NBEA: variants seen among roughly 807,000 people sequenced by gnomAD.
NBEA encodes lysosomal-trafficking regulator 2.
Under a neutral mutation model 343.4 loss-of-function variants are expected in NBEA, and 44 were observed. The observed-to-expected ratio is 0.13, with a 90% CI of 0.10 to 0.16. The LOEUF is 0.16. Among genes scored for constraint, NBEA ranks in the 10% least tolerant of loss-of-function variants. The pLI, the probability that NBEA is intolerant of heterozygous loss-of-function variation, is 1.00. For missense variants in NBEA, 2,555 were observed against 3,631.3 expected, an observed-to-expected ratio of 0.70 and a Z score of 7.62; for synonymous variants, 1,175 against 1,238.7, an observed-to-expected ratio of 0.95 and a Z score of 1.08.
rs982420694 is a variant in NBEA, at chr13:35,671,403, A to G, written c.*412A>G. The G allele has an allele frequency of 6.4e-6, 1 of 156,644 alleles. No individual in the cohort carries two copies. The highest frequency in any genetic ancestry group is 1.4e-5 in the Non-Finnish European group (1 of 70,818). 9.7% of individuals were successfully genotyped at this position (156,644 alleles called of 1,614,324 possible). ...TTTCAAGCTGAGAAAAAAAAAAAAA[A>G]ACACGTTTGATACTTTGTACATCAG... On this transcript the variant is annotated 3_prime_UTR_variant, in exon 59 of 59. Transcript: ENST00000379939.
chr13:35,175,252 A>C lies in NBEA; in HGVS notation c.4554+1658A>C, dbSNP rs576298195. ...CTCCGTTTTCTAATCTTTAAAATGG[A>C]TACAAATCTTAATTTACAGAGTGTT... On this transcript the variant is annotated intron_variant, in intron 27 of 58. Transcript: ENST00000379939. 3.9e-5 allele frequency among the ~76,000 whole-genome samples: 6 copies of C among 152,272 alleles called. No homozygotes were observed. The South Asian group carries it at 1.2e-3, about 32-fold the overall frequency.
chr13:35,105,813 A>G (rs534050341), intron 11 of NBEA, among the ~76,000 whole-genome samples: 22 of 152,148 alleles, frequency 1.4e-4, no homozygotes, highest in African/African-American at 3.9e-4. Context: ...AGGTACCTCT[A>G]CAATTACAAT....
At chr13:35,047,427 A>G (rs1020317871) in intron 4 of NBEA, among the ~76,000 whole-genome samples, 5 of 152,042 alleles carry the variant, frequency 3.3e-5, no homozygotes, top group African/African-American at 9.7e-5. Context: ...GAACAAAACT[A>G]TGGGAACACA....
At chr13:35,088,107 G>A (rs1308671850) in intron 10 of NBEA, among the ~76,000 whole-genome samples, 3 of 151,812 alleles carry the variant, frequency 2.0e-5, no homozygotes, top group Non-Finnish European at 4.4e-5. Context: ...AATCTATTAC[G>A]GAGGTTGAAA....
At chr13:34,953,932 A>G (rs2059418329) in intron 1 of NBEA, among the ~76,000 whole-genome samples, 1 of 152,164 alleles carries the variant, frequency 6.6e-6, no homozygotes, top group African/African-American at 2.4e-5. Flanking sequence ...CAAGCAAGGG[A>G]TCTAGGTTGT....
At chr13:35,471,796 G>A (rs1413391498) in intron 40 of NBEA, among the ~76,000 whole-genome samples, 4 of 152,038 alleles carry the variant, frequency 2.6e-5, no homozygotes, top group African/African-American at 9.7e-5. Flanking sequence ...TAAGATTTTC[G>A]TTCTTTTCTA....
At chr13:35,149,985 TC>T (rs2068675745) in intron 18 of NBEA, among the ~76,000 whole-genome samples, 1 of 152,180 alleles carries the variant, frequency 6.6e-6, no homozygotes, top group African/African-American at 2.4e-5. Context: ...GATTTTGGTC[TC>T]TGGTGATATT....
At chr13:35,278,161 A>C (rs1235498372) in intron 34 of NBEA, among the ~76,000 whole-genome samples, 1 of 149,622 alleles carries the variant, frequency 6.7e-6, no homozygotes, top group Non-Finnish European at 1.5e-5. Flanking sequence ...ATATGCATGT[A>C]TATGATTTAG....
At chr13:35,156,943 C>T (rs760906767) in intron 20 of NBEA, 135 bp from the exon 21 acceptor site, 29 of 536,472 alleles carry the variant, frequency 5.4e-5, no homozygotes, top group African/African-American at 1.4e-4. Flanking sequence ...GAATATATAA[C>T]GTGCAGCATG....
intron 39 of NBEA, among the ~76,000 whole-genome samples, chr13:35,447,584 G>T (rs1215790523): frequency 1.3e-5 from 2 of 151,892 alleles, no homozygotes; most frequent in Non-Finnish European, 2.9e-5. Context: ...GTGCGGTTTT[G>T]GATTTAGCTT....
intron 36 of NBEA, among the ~76,000 whole-genome samples, chr13:35,316,301 C>T (rs1473306891): frequency 6.6e-6 from 1 of 151,968 alleles, no homozygotes; most frequent in Admixed American, 6.6e-5. Context: ...ATGTTCCCCT[C>T]CCTGAGTCCA....
intron 38 of NBEA, among the ~76,000 whole-genome samples, chr13:35,396,282 G>T (rs181360618): frequency 6.6e-6 from 1 of 152,046 alleles, no homozygotes; most frequent in African/African-American, 2.4e-5. Context: ...GATGTGATTG[G>T]ATTTAGCTCT....
At chr13:35,008,141 G>T (rs2061374154) in intron 1 of NBEA, among the ~76,000 whole-genome samples, 1 of 152,090 alleles carries the variant, frequency 6.6e-6, no homozygotes, top group Non-Finnish European at 1.5e-5. Flanking sequence ...GTTGTGCCTG[G>T]TCTCTGCAAG....
intron 35 of NBEA, among the ~76,000 whole-genome samples, chr13:35,307,903 A>G (rs1048070636): frequency 2.6e-5 from 4 of 152,052 alleles, no homozygotes; most frequent in African/African-American, 9.7e-5. Flanking sequence ...ATTGTTTGAA[A>G]GTTTCAGTAA....
chr13:34,989,161 A>G (rs1310582276), intron 1 of NBEA, among the ~76,000 whole-genome samples: 1 of 150,994 alleles, frequency 6.6e-6, no homozygotes, highest in Non-Finnish European at 1.5e-5. Context: ...AGTTGTTACC[A>G]TACTGTTTCA....
intron 41 of NBEA, among the ~76,000 whole-genome samples, chr13:35,535,894 G>A (rs759951407): frequency 3.3e-5 from 5 of 152,152 alleles, no homozygotes; most frequent in African/African-American, 4.8e-5. Context: ...AGGGAATGTG[G>A]CAAGGGTAAC....
chr13:35,196,072 G>A lies in NBEA; in HGVS notation c.5136G>A (p.Lys1712=). Residue 1712 remains lysine, a synonymous_variant, in exon 31 of 59, where the codon AAG becomes AAA. Transcript: ENST00000379939. ...ELLSTLSSEV[K]KSQESLTENP... ...TATCCACTTTGTCATCCGAAGTGAA[G>A]AAATCACAAGAGAGCTTAACTGAAA... 2 of 1,613,606 alleles carry A rather than the reference G, an allele frequency of 1.2e-6. No homozygotes were observed. Among genetic ancestry groups the A allele is most frequent in the Non-Finnish European group, 1.7e-6 (2 of 1,179,728 alleles).
chr13:35,347,124 A>C (rs2039924047), intron 36 of NBEA, among the ~76,000 whole-genome samples: 1 of 152,154 alleles, frequency 6.6e-6, no homozygotes, highest in Non-Finnish European at 1.5e-5. Context: ...AAATATCAGA[A>C]TACATAATGA....
At chr13:35,104,213 T>C (rs2065801665) in intron 11 of NBEA, among the ~76,000 whole-genome samples, 1 of 151,924 alleles carries the variant, frequency 6.6e-6, no homozygotes, top group Non-Finnish European at 1.5e-5. Flanking sequence ...TCATTCAGGA[T>C]TTTGCTTATA....
Sources: gnomAD v4.1 joint callset for allele counts (sites outside exome capture counted in the v4.1 genomes callset) on GRCh38, gnomAD v4.1.1 for gene constraint, MANE v1.5 for transcripts, NCBI Gene and HGNC (gene_info 2026-07-23, HGNC 2026-07-21) for gene names.